BRINP3: variants seen among roughly 807,000 people sequenced by gnomAD.
BRINP3 encodes the protein BMP/retinoic acid-inducible neural-specific protein 3.
BRINP3 carries 19 observed loss-of-function variants against 71.0 expected under a neutral mutation model. The observed-to-expected ratio is 0.27, with a 90% CI of 0.19 to 0.39. The LOEUF is 0.39. Among genes scored for constraint, BRINP3 ranks in the 10% least tolerant of loss-of-function variants. BRINP3 has a pLI of 1.00. For missense variants in BRINP3, 959 were observed against 940.8 expected, an observed-to-expected ratio of 1.02 and a Z score of -0.25; for synonymous variants, 380 against 337.7, an observed-to-expected ratio of 1.13 and a Z score of -1.37.
At chr1:190,189,080 A>G (rs1054873098) in intron 6 of BRINP3, among the ~76,000 whole-genome samples, 1 of 152,068 alleles carries the variant, frequency 6.6e-6, no homozygotes, top group East Asian at 1.9e-4. Flanking sequence ...ATCTGTTTTC[A>G]TCAGAAATAC....
chr1:190,475,025 A>G (rs1342903947), intron 1 of BRINP3, among the ~76,000 whole-genome samples: 1 of 151,754 alleles, frequency 6.6e-6, no homozygotes, highest in African/African-American at 2.4e-5. Flanking sequence ...CTTTGCTTTT[A>G]ACTTCAACCT....
At chr1:190,223,434 C>CA (rs919511992) in intron 6 of BRINP3, among the ~76,000 whole-genome samples, 1 of 151,630 alleles carries the variant, frequency 6.6e-6, no homozygotes, top group Non-Finnish European at 1.5e-5. Context: ...CAATAGATGC[C>CA]AAAAAAGCAC....
intron 7 of BRINP3, among the ~76,000 whole-genome samples, chr1:190,132,338 C>A (rs145392383): frequency 1.3e-5 from 2 of 152,092 alleles, no homozygotes; most frequent in Non-Finnish European, 2.9e-5. Context: ...GTTAACAGTG[C>A]CCTCATGTTA....
At position 190,176,431 on chromosome 1, in the gene BRINP3, G is replaced by A. The variant is rs753863855; in HGVS notation, c.962-15541C>T. Among the ~76,000 whole-genome samples, 48 of 152,170 alleles carry A rather than the reference G, an allele frequency of 3.2e-4. 1 individual carries two copies. Among genetic ancestry groups the A allele is most frequent in the Non-Finnish European group, 4.4e-5 (3 of 68,020 alleles). ...ATAACCACAACAAACATAACCCTTT[G>A]TAAAGGACACAAATGGGAGATACGA... On this transcript the variant is annotated intron_variant, in intron 6 of 7. Transcript: ENST00000367462.
chr1:190,251,993 G>A (rs537160310), intron 4 of BRINP3, among the ~76,000 whole-genome samples: 5 of 152,132 alleles, frequency 3.3e-5, no homozygotes, highest in Non-Finnish European at 5.9e-5. Context: ...TCATTCAATA[G>A]ATGAGAGAAC....
intron 6 of BRINP3, among the ~76,000 whole-genome samples, chr1:190,220,188 T>A (rs984458279): frequency 2.6e-5 from 4 of 151,434 alleles, no homozygotes; most frequent in Non-Finnish European, 4.4e-5. Context: ...AAAGAGAGAA[T>A]CCTAAAAGCA....
Position 190,098,510 on chromosome 1 carries a change from T to C in BRINP3, c.1809A>G (p.Leu603=), listed in dbSNP as rs1405520238. The C allele has an allele frequency of 6.2e-7, 1 of 1,614,106 alleles. No homozygotes were observed. The highest frequency in any genetic ancestry group is 2.2e-5 in the East Asian group (1 of 44,878). The part of the protein sequence containing the change: ...FPDWERTKLD[L]PLQCYNWTLT... ...ATGTCCAGTTATAACACTGCAGGGG[T>C]AGGTCCAACTTAGTCCGCTCCCAGT... The change falls in exon 8 of 8, where the codon CTA becomes CTG. Residue 603 remains leucine, a synonymous_variant. Coordinates refer to ENST00000367462, the MANE Select transcript of BRINP3 (RefSeq NM_199051.3).
intron 2 of BRINP3, among the ~76,000 whole-genome samples, chr1:190,451,702 T>C (rs1362662047): frequency 6.6e-6 from 1 of 152,172 alleles, no homozygotes; most frequent in Non-Finnish European, 1.5e-5. Context: ...TATACACAAG[T>C]TTAAAAACAT....
intron 2 of BRINP3, among the ~76,000 whole-genome samples, chr1:190,377,267 G>A (rs1670244174): frequency 2.6e-5 from 4 of 152,016 alleles, no homozygotes; most frequent in East Asian, 1.9e-4. Context: ...AACAAACACT[G>A]TAAGTGTTTT....
chr1:190,203,481 A>G lies in BRINP3; in HGVS notation c.961+22601T>C, dbSNP rs570432303. Among the ~76,000 whole-genome samples, 470 of 137,354 alleles carry G rather than the reference A, an allele frequency of 3.4e-3. 4 individuals are homozygous for G. Among genetic ancestry groups the G allele is most frequent in the African/African-American group, 8.2e-3 (286 of 35,054 alleles). 90.1% of individuals were successfully genotyped at this position (137,354 alleles called of 152,430 possible). ...TATATATGTGTGTGTGTGTGTGTGT[A>G]TATATATATATACATATATCTTACA... On this transcript the variant is annotated intron_variant, in intron 6 of 7. Coordinates refer to ENST00000367462, the MANE Select transcript of BRINP3 (RefSeq NM_199051.3).
At chr1:190,262,455 T>C (rs1035965020) in intron 4 of BRINP3, among the ~76,000 whole-genome samples, 1 of 152,148 alleles carries the variant, frequency 6.6e-6, no homozygotes, top group African/African-American at 2.4e-5. Context: ...GCTTATCTTA[T>C]TTCCTTTTTT....
intron 3 of BRINP3, among the ~76,000 whole-genome samples, chr1:190,272,584 G>A (rs1349676709): frequency 1.3e-5 from 2 of 151,350 alleles, no homozygotes; most frequent in South Asian, 2.1e-4. Flanking sequence ...CAGTTGATGA[G>A]GAAGTTTAAA....
intron 2 of BRINP3, among the ~76,000 whole-genome samples, chr1:190,383,304 G>T (rs1427996095): frequency 6.6e-6 from 1 of 152,018 alleles, no homozygotes; most frequent in Non-Finnish European, 1.5e-5. Flanking sequence ...GCCACCTTTA[G>T]GTTGCAATAT....
At chr1:190,182,156 G>C (rs1935873) in intron 6 of BRINP3, among the ~76,000 whole-genome samples, 54,752 of 151,510 alleles carry the variant, frequency 0.36, 9,943 homozygotes, top group Middle Eastern at 0.41. Flanking sequence ...TGTGTGTCTT[G>C]GTGTGGATTT....
At chr1:190,375,659 C>A (rs1259005329) in intron 2 of BRINP3, among the ~76,000 whole-genome samples, 1 of 151,894 alleles carries the variant, frequency 6.6e-6, no homozygotes, top group African/African-American at 2.4e-5. Context: ...CCTCATATAA[C>A]TGGATTCTGA....
chr1:190,399,337 T>A (rs983691447), intron 2 of BRINP3, among the ~76,000 whole-genome samples: 2 of 152,012 alleles, frequency 1.3e-5, no homozygotes, highest in South Asian at 4.1e-4. Context: ...TTTCCTTAGT[T>A]ACTAAAGTAG....
intron 2 of BRINP3, among the ~76,000 whole-genome samples, chr1:190,411,202 A>G (rs1200699946): frequency 1.3e-5 from 2 of 152,132 alleles, no homozygotes; most frequent in Non-Finnish European, 2.9e-5. Flanking sequence ...AGCAACAGGA[A>G]AAGGATGGTC....
intron 7 of BRINP3, among the ~76,000 whole-genome samples, chr1:190,119,891 C>T (rs1198100993): frequency 6.6e-6 from 1 of 152,204 alleles, no homozygotes; most frequent in Non-Finnish European, 1.5e-5. Context: ...CTACTCCTCA[C>T]AGGGGTGTGG....
At chr1:190,362,659 T>C (rs989693391) in intron 2 of BRINP3, among the ~76,000 whole-genome samples, 7 of 152,134 alleles carry the variant, frequency 4.6e-5, no homozygotes, top group Non-Finnish European at 8.8e-5. Flanking sequence ...AATTAAGTCA[T>C]GGAGGTTGAT....
Sources: allele counts gnomAD v4.1 joint callset (sites outside exome capture counted in the v4.1 genomes callset), GRCh38; gene constraint gnomAD v4.1.1; transcripts MANE v1.5; gene names NCBI Gene and HGNC (gene_info 2026-07-23, HGNC 2026-07-21).